The following ADCY2 variants were observed in gnomAD, a reference collection of about 807,000 sequenced individuals.
ADCY2 encodes the protein adenylate cyclase 2.
A neutral mutation model predicts 125.2 loss-of-function variants in ADCY2; 31 were observed. The observed-to-expected ratio is 0.25, with a 90% CI of 0.19 to 0.33. The LOEUF is 0.33. ADCY2 is among the 10% of genes least tolerant of loss of function. The pLI, the probability that ADCY2 is intolerant of heterozygous loss-of-function variation, is 1.00. For synonymous variants in ADCY2, 512 were observed against 548.4 expected, an observed-to-expected ratio of 0.93 and a Z score of 0.93; for missense variants, 904 against 1,418.2, an observed-to-expected ratio of 0.64 and a Z score of 5.82.
At chr5:7,581,030 A>G (rs1176698598) in intron 3 of ADCY2, among the ~76,000 whole-genome samples, 1 of 152,206 alleles carries the variant, frequency 6.6e-6, no homozygotes, top group African/African-American at 2.4e-5. Context: ...AGTAACTAAG[A>G]GCATTATTCA....
intron 14 of ADCY2, among the ~76,000 whole-genome samples, chr5:7,730,169 A>T (rs545082997): frequency 5.9e-5 from 9 of 152,218 alleles, no homozygotes; most frequent in Non-Finnish European, 1.3e-4. Flanking sequence ...TTCACTTAGA[A>T]TAATGGCTTC....
At chr5:7,489,066 A>T (rs961181576) in intron 2 of ADCY2, among the ~76,000 whole-genome samples, 1 of 152,178 alleles carries the variant, frequency 6.6e-6, no homozygotes, top group African/African-American at 2.4e-5. Flanking sequence ...TGCAAAACAC[A>T]GACTTTCCTG....
At chr5:7,514,266 G>A (rs145255113) in intron 2 of ADCY2, among the ~76,000 whole-genome samples, 1 of 152,154 alleles carries the variant, frequency 6.6e-6, no homozygotes, top group Non-Finnish European at 1.5e-5. Flanking sequence ...CCTGATGTGT[G>A]TAGAATCAAG....
intron 1 of ADCY2, among the ~76,000 whole-genome samples, chr5:7,402,783 C>G (rs573359185): frequency 1.9e-4 from 29 of 152,264 alleles, no homozygotes; most frequent in African/African-American, 6.0e-4. Context: ...AACATATAGA[C>G]AGAAAGTATA....
At chr5:7,413,253 C>T (rs1178822995) in intron 1 of ADCY2, among the ~76,000 whole-genome samples, 1 of 152,064 alleles carries the variant, frequency 6.6e-6, no homozygotes, top group Non-Finnish European at 1.5e-5. Flanking sequence ...ACAGACAGTC[C>T]CTTTGTAAGT....
intron 2 of ADCY2, among the ~76,000 whole-genome samples, chr5:7,473,421 T>C (rs1028491560): frequency 1.1e-4 from 17 of 151,948 alleles, no homozygotes; most frequent in Admixed American, 6.6e-5. Context: ...TGGGAACTAA[T>C]AGGACAAGAA....
At chr5:7,525,456 T>C (rs1324331031) in intron 3 of ADCY2, among the ~76,000 whole-genome samples, 1 of 152,224 alleles carries the variant, frequency 6.6e-6, no homozygotes, top group African/African-American at 2.4e-5. Context: ...CTGGCTGATC[T>C]TATTCCTGTC....
At chr5:7,581,841 A>G (rs1013012682) in intron 3 of ADCY2, among the ~76,000 whole-genome samples, 3 of 151,776 alleles carry the variant, frequency 2.0e-5, no homozygotes, top group Admixed American at 6.6e-5. Context: ...AAAAAGAAAA[A>G]GAAAAAGAAA....
At chr5:7,460,047 A>G (rs563492614) in intron 2 of ADCY2, among the ~76,000 whole-genome samples, 26 of 152,004 alleles carry the variant, frequency 1.7e-4, no homozygotes, top group Non-Finnish European at 3.1e-4. Flanking sequence ...CAGCCTCCCA[A>G]AGTGCTGGGA....
At chr5:7,427,917 A>G (rs1740445379) in intron 2 of ADCY2, among the ~76,000 whole-genome samples, 1 of 152,220 alleles carries the variant, frequency 6.6e-6, no homozygotes, top group South Asian at 2.1e-4. Context: ...TCCACTCCAT[A>G]TGGCATGGCT....
chr5:7,419,214 G>A (rs1407407394), intron 2 of ADCY2, among the ~76,000 whole-genome samples: 1 of 152,172 alleles, frequency 6.6e-6, no homozygotes, highest in Admixed American at 6.5e-5. Context: ...CTAATTGCAA[G>A]CTGGGGGGTT....
intron 17 of ADCY2, among the ~76,000 whole-genome samples, chr5:7,768,898 G>A (rs1367364790): frequency 1.3e-5 from 2 of 152,156 alleles, no homozygotes; most frequent in East Asian, 1.9e-4. Context: ...GTGAACTCAC[G>A]GGTTTAGCAG....
intron 13 of ADCY2, 65 bp downstream of exon 13, chr5:7,724,679 TTGTGC>T: frequency 8.1e-7 from 1 of 1,227,844 alleles, no homozygotes; most frequent in Non-Finnish European, 1.2e-6. Flanking sequence ...CTTCATGAAA[TTGTGC>T]TCATGTTTTT....
chr5:7,804,622 T>C lies in ADCY2; in HGVS notation c.2813T>C (p.Ile938Thr). 1 of 1,614,164 alleles carries C rather than the reference T, an allele frequency of 6.2e-7. No homozygotes were observed. Among genetic ancestry groups the C allele is most frequent in the Non-Finnish European group, 8.5e-7 (1 of 1,180,024 alleles). ...SKPKFSGVEK[I>T]KTIGSTYMAA... Reference sequence around the variant, plus strand: ...CCAAAATTCAGTGGAGTTGAAAAGATTAAGACCATTGGCAGCACATACATG... The same window carrying C: ...CCAAAATTCAGTGGAGTTGAAAAGACTAAGACCATTGGCAGCACATACATG... The change falls in exon 22 of 25, where the codon ATT becomes ACT. Residue 938 changes from isoleucine to threonine, a missense_variant. Ile to Thr is a moderately conservative substitution (Grantham distance 89). This residue lies in a region of ADCY2 where 181 missense variants were observed against 381.6 expected (regional missense o/e 0.47). Coordinates refer to ENST00000338316, the MANE Select transcript of ADCY2 (RefSeq NM_020546.3).
chr5:7,777,364 G>C (rs983621245), intron 18 of ADCY2, among the ~76,000 whole-genome samples: 1 of 152,210 alleles, frequency 6.6e-6, no homozygotes, highest in African/African-American at 2.4e-5. Flanking sequence ...GCCTGCAACT[G>C]TGCCTGGCAT....
chr5:7,430,247 A>G (rs1006381071), intron 2 of ADCY2, among the ~76,000 whole-genome samples: 1 of 152,062 alleles, frequency 6.6e-6, no homozygotes, highest in Non-Finnish European at 1.5e-5. Flanking sequence ...CCAGGTCCAA[A>G]TGGCTTCCCT....
At chr5:7,480,320 T>G (rs1349890494) in intron 2 of ADCY2, among the ~76,000 whole-genome samples, 1 of 152,210 alleles carries the variant, frequency 6.6e-6, no homozygotes, top group East Asian at 1.9e-4. Flanking sequence ...ATTGCATCAC[T>G]GTCTGCAATA....
chr5:7,762,807 A>G (rs1182042620), intron 16 of ADCY2, among the ~76,000 whole-genome samples: 1 of 151,966 alleles, frequency 6.6e-6, no homozygotes, highest in African/African-American at 2.4e-5. Context: ...TTGTTAACCC[A>G]GTGAGACTAA....
At chr5:7,633,444 G>A (rs1971095) in intron 4 of ADCY2, among the ~76,000 whole-genome samples, 90,812 of 148,324 alleles carry the variant, frequency 0.61, 28,056 homozygotes, top group Non-Finnish European at 0.65. Flanking sequence ...TCAAAAAAAA[G>A]AAAAAGAAAA....
Sources: gnomAD v4.1 joint callset for allele counts (sites outside exome capture counted in the v4.1 genomes callset) on GRCh38, gnomAD v4.1.1 for gene constraint, gnomAD v4.1.1 regional missense constraint, MANE v1.5 for transcripts, NCBI Gene and HGNC (gene_info 2026-07-23, HGNC 2026-07-21) for gene names.